Variants in PPP5C observed in about 807,000 individuals in gnomAD.
PPP5C encodes the protein serine/threonine-protein phosphatase 5.
In PPP5C, 21 loss-of-function variants were observed where a neutral mutation model predicts 66.7. The ratio of observed to expected loss-of-function variants is 0.31; its 90% CI spans 0.22 to 0.45. The LOEUF is 0.45. PPP5C is among the 20% of genes least tolerant of loss of function. The pLI is 1.00. For missense variants in PPP5C, 464 were observed against 675.9 expected, an observed-to-expected ratio of 0.69 and a Z score of 3.48; for synonymous variants, 246 against 257.4, an observed-to-expected ratio of 0.96 and a Z score of 0.43.
At chr19:46,386,318 G>A (rs1305968632) in intron 7 of PPP5C, among the ~76,000 whole-genome samples, 3 of 152,212 alleles carry the variant, frequency 2.0e-5, no homozygotes, top group African/African-American at 4.8e-5. Flanking sequence ...TGGGAGGTGA[G>A]TGATAGGCTG....
chr19:46,374,833 C>T (rs1377439159), intron 2 of PPP5C, among the ~76,000 whole-genome samples: 1 of 152,178 alleles, frequency 6.6e-6, no homozygotes, highest in African/African-American at 2.4e-5. Flanking sequence ...TCAGTCCCAC[C>T]TCAGAGAGAA....
At chr19:46,368,375 T>C (rs527834538) in intron 2 of PPP5C, among the ~76,000 whole-genome samples, 1 of 152,314 alleles carries the variant, frequency 6.6e-6, no homozygotes, top group Admixed American at 6.5e-5. Context: ...GAGTGTCCTT[T>C]CTCCATCCCT....
In PPP5C at chr19:46,383,789, A is replaced by G; in HGVS notation, c.709A>G (p.Ile237Val). The change falls in exon 6 of 13, where the codon ATT (isoleucine) becomes GTT (valine). Residue 237 changes from isoleucine to valine, a missense_variant. This residue lies in a region of PPP5C where 387 missense variants were observed against 626.0 expected (regional missense o/e 0.62). Coordinates refer to ENST00000012443, the MANE Select transcript of PPP5C (RefSeq NM_006247.4). This position sits in a 1 kb window ranked among gnomAD's most constrained non-coding sequence, Gnocchi z 5.0. Reference sequence around the variant, plus strand: ...GCCTCTTTTCTTTCAGACAGAGAAGATTACAGTATGTGGGGACACCCATGG... The same window carrying G: ...GCCTCTTTTCTTTCAGACAGAGAAGGTTACAGTATGTGGGGACACCCATGG... ...VETTLKETEK[I>V]TVCGDTHGQF... The G allele has an allele frequency of 6.2e-7, 1 of 1,612,842 alleles. No homozygotes were observed.
rs753651297 is a variant in PPP5C at position 46,384,783 on chromosome 19, A to G, written c.799-21A>G. The G allele has an allele frequency of 2.5e-6, 4 of 1,571,074 alleles. No individual in the cohort carries two copies. In the African/African-American group the frequency reaches 4.1e-5, roughly 16 times the overall value. ...CGCACCCTTCCCCTCCACGCTTGCC[A>G]TGTTTTCCTCAGCAGGACAGATATT... On this transcript the variant is annotated intron_variant, in intron 6 of 12. Coordinates refer to ENST00000012443, the MANE Select transcript of PPP5C (RefSeq NM_006247.4).
intron 1 of PPP5C, among the ~76,000 whole-genome samples, chr19:46,350,612 ACAATAAAAAAGAAT>A (rs1179945320): frequency 6.6e-6 from 1 of 152,210 alleles, no homozygotes; most frequent in Non-Finnish European, 1.5e-5. Context: ...TGTGGGAATA[ACAATAAAAAAGAAT>A]AATGACAGCT....
intron 7 of PPP5C, among the ~76,000 whole-genome samples, chr19:46,385,169 C>T (rs187637622): frequency 2.6e-5 from 4 of 152,270 alleles, no homozygotes; most frequent in African/African-American, 7.2e-5. Flanking sequence ...AGGATGGGCC[C>T]CTTATTCTAA....
At chr19:46,361,590 A>T (rs1426028118) in intron 2 of PPP5C, among the ~76,000 whole-genome samples, 121 of 38,106 alleles carry the variant, frequency 3.2e-3, no homozygotes, top group African/African-American at 7.8e-3. Flanking sequence ...ACTAAAAATT[A>T]AAAAAAAAAA....
intron 2 of PPP5C, among the ~76,000 whole-genome samples, chr19:46,361,000 A>G (rs1203793732): frequency 6.6e-6 from 1 of 152,198 alleles, no homozygotes; most frequent in Non-Finnish European, 1.5e-5. Flanking sequence ...TAAAGACAGC[A>G]TAAGAGCAAC....
chr19:46,380,997 C>G (rs1349478696), intron 4 of PPP5C, among the ~76,000 whole-genome samples: 1 of 152,172 alleles, frequency 6.6e-6, no homozygotes, highest in Non-Finnish European at 1.5e-5. Flanking sequence ...ATAACATGCT[C>G]TTTGATACTA....
intron 1 of PPP5C, among the ~76,000 whole-genome samples, chr19:46,353,040 C>A (rs1466531903): frequency 6.6e-6 from 1 of 152,154 alleles, no homozygotes; most frequent in Non-Finnish European, 1.5e-5. Context: ...GCTGTTTAAG[C>A]CTTGGCTCTC....
Position 46,390,750 on chromosome 19 carries a change from C to A in PPP5C, c.*404C>A. Reference sequence around the variant, plus strand: ...CAGGGGGGCCCCGCCTGCGCCTCCCCTCCTATAGCCCCATGGTGGGGCTAG... The same window carrying A: ...CAGGGGGGCCCCGCCTGCGCCTCCCATCCTATAGCCCCATGGTGGGGCTAG... On this transcript the variant is annotated 3_prime_UTR_variant, in exon 13 of 13. Coordinates refer to ENST00000012443, the MANE Select transcript of PPP5C (RefSeq NM_006247.4). The A allele has an allele frequency of 9.7e-6, 11 of 1,133,828 alleles. No homozygotes were observed. The highest frequency in any genetic ancestry group is 2.2e-5 in the South Asian group (1 of 45,970). 70.2% of individuals were successfully genotyped at this position (1,133,828 alleles called of 1,614,324 possible).
In PPP5C at chr19:46,390,866, T is replaced by C. The variant is rs570290961; in HGVS notation, c.*520T>C. 6.1e-6 allele frequency: 7 copies of C among 1,141,656 alleles called. No homozygotes were observed. The East Asian group carries it at 4.4e-4, about 72-fold the overall frequency. The allele number at this position is 1,141,656 out of a possible 1,614,324, so 70.7% of individuals were successfully genotyped here. A position where few individuals can be genotyped will look rare whatever the true frequency, so the allele number is the denominator to read the frequency against. On this transcript the variant is annotated 3_prime_UTR_variant, in exon 13 of 13. Coordinates refer to ENST00000012443, the MANE Select transcript of PPP5C (RefSeq NM_006247.4). ...TATCGGAAGTCAGCTTGTCTCTGGA[T>C]GGTGGAGCCGAAGGAGCTGCCCGGG...
chr19:46,386,707 G>A lies in PPP5C; in HGVS notation c.905-386G>A, dbSNP rs766212547. The A allele has an allele frequency of 2.8e-4, 78 of 279,698 alleles. 1 individual carries two copies. The highest frequency in any genetic ancestry group is 1.3e-3 in the Middle Eastern group (1 of 790). 17.3% of individuals were successfully genotyped at this position (279,698 alleles called of 1,614,324 possible). A position where few individuals can be genotyped will look rare whatever the true frequency, so the allele number is the denominator to read the frequency against. ...AGCTCACTGCAGCCTCTGCTTCGTGGGCTCAAGTGATCCTCTGGCCTCAGC... is the reference window on the plus strand; with the variant it reads ...AGCTCACTGCAGCCTCTGCTTCGTGAGCTCAAGTGATCCTCTGGCCTCAGC... On this transcript the variant is annotated intron_variant, in intron 7 of 12. Transcript: ENST00000012443.
In PPP5C at chr19:46,383,633, C is replaced by G. The variant is rs1157362714; in HGVS notation, c.700-147C>G. On this transcript the variant is annotated intron_variant, in intron 5 of 12. Coordinates refer to ENST00000012443, the MANE Select transcript of PPP5C (RefSeq NM_006247.4). The surrounding 1 kb of genome is among the most constrained non-coding windows in gnomAD (Gnocchi z 5.0). ...CTGAATATCCCATTTCTCTCCTGGC[C>G]TCTTGGTCTTCGTTTGTGTTCCCTG... 2 of 1,028,648 alleles carry G rather than the reference C, an allele frequency of 1.9e-6. No homozygotes were observed. The highest frequency in any genetic ancestry group is 2.4e-4 in the Middle Eastern group (1 of 4,114). 63.7% of individuals were successfully genotyped at this position (1,028,648 alleles called of 1,614,324 possible). A position where few individuals can be genotyped will look rare whatever the true frequency, so the allele number is the denominator to read the frequency against.
intron 2 of PPP5C, among the ~76,000 whole-genome samples, chr19:46,357,481 G>C (rs1221976742): frequency 6.6e-6 from 1 of 152,208 alleles, no homozygotes; most frequent in East Asian, 1.9e-4. Context: ...CCAGCTGGGT[G>C]TTCTCTTATT....
At chr19:46,368,040 A>G (rs1264212826) in intron 2 of PPP5C, among the ~76,000 whole-genome samples, 9 of 152,166 alleles carry the variant, frequency 5.9e-5, no homozygotes, top group African/African-American at 1.9e-4. Flanking sequence ...AAGGGCCATT[A>G]TGGTGGGAAA....
chr19:46,351,447 C>G (rs1450048607), intron 1 of PPP5C, among the ~76,000 whole-genome samples: 3 of 152,224 alleles, frequency 2.0e-5, no homozygotes, highest in Non-Finnish European at 4.4e-5. Flanking sequence ...TTTGCTGCAG[C>G]CAGTTTTCTT....
At chr19:46,375,135 A>AG (rs1881640204) in intron 2 of PPP5C, among the ~76,000 whole-genome samples, 1 of 152,170 alleles carries the variant, frequency 6.6e-6, no homozygotes, top group African/African-American at 2.4e-5. Flanking sequence ...GAGATTAGGT[A>AG]ACCTGGGCTT....
chr19:46,366,308 CT>C (rs921332811), intron 2 of PPP5C, among the ~76,000 whole-genome samples: 1 of 151,942 alleles, frequency 6.6e-6, no homozygotes, highest in Admixed American at 6.6e-5. Flanking sequence ...TTTAAGTTAC[CT>C]TGGGAAGAGC....
Sources: gnomAD v4.1 joint callset for allele counts (sites outside exome capture counted in the v4.1 genomes callset) on GRCh38, gnomAD v4.1.1 for gene constraint, gnomAD v4.1.1 regional missense constraint, Gnocchi (gnomAD v3.1) non-coding constraint, MANE v1.5 for transcripts, NCBI Gene and HGNC (gene_info 2026-07-23, HGNC 2026-07-21) for gene names.